POLE2: variants seen among roughly 807,000 people sequenced by gnomAD.
The protein encoded by POLE2 is DNA polymerase epsilon 2, accessory subunit.
POLE2 carries 56 observed loss-of-function variants against 79.4 expected under a neutral mutation model. That is an observed-to-expected ratio of 0.71 (90% CI 0.57 to 0.88). The LOEUF (loss-of-function observed/expected upper bound fraction) is 0.88. Ranked by LOEUF, POLE2 falls within the 40% of genes least tolerant of loss-of-function variation. The pLI is 0.00. For missense variants in POLE2, 598 were observed against 638.9 expected, an observed-to-expected ratio of 0.94 and a Z score of 0.69; for synonymous variants, 212 against 214.0, an observed-to-expected ratio of 0.99 and a Z score of 0.08.
chr14:49,661,159 G>A (rs772995059), intron 10 of POLE2, among the ~76,000 whole-genome samples: 2 of 151,960 alleles, frequency 1.3e-5, no homozygotes, highest in African/African-American at 2.4e-5. Context: ...AAGCTCAAGC[G>A]ATCCACCCAC....
chr14:49,659,392 C>G (rs932488710), intron 10 of POLE2, among the ~76,000 whole-genome samples: 1 of 151,808 alleles, frequency 6.6e-6, no homozygotes, highest in African/African-American at 2.4e-5. Flanking sequence ...GAAGAGAGTA[C>G]AGTTGTATCA....
intron 3 of POLE2, chr14:49,677,680 C>G: frequency 9.8e-6 from 11 of 1,122,070 alleles, no homozygotes; most frequent in Non-Finnish European, 1.4e-5. Flanking sequence ...AAGGCCCTTA[C>G]GAAATGGTGT....
At chr14:49,673,724 C>T (rs527704254) in intron 5 of POLE2, among the ~76,000 whole-genome samples, 5 of 152,246 alleles carry the variant, frequency 3.3e-5, no homozygotes, top group African/African-American at 1.2e-4. Flanking sequence ...GATTAAAATC[C>T]TGTCTTACTA....
At chr14:49,645,531 T>G (rs1420310195) in intron 18 of POLE2, among the ~76,000 whole-genome samples, 3 of 152,216 alleles carry the variant, frequency 2.0e-5, no homozygotes, top group African/African-American at 7.2e-5. Flanking sequence ...TACAAAATTA[T>G]AGTTTGGAAA....
In POLE2 at chr14:49,674,382, A is replaced by T; in HGVS notation, c.291T>A (p.Phe97Leu). 1 of 1,611,182 alleles carries T rather than the reference A, an allele frequency of 6.2e-7. No individual in the cohort carries two copies. Among genetic ancestry groups the T allele is most frequent in the Non-Finnish European group, 8.5e-7 (1 of 1,177,474 alleles). Residue 97 changes from phenylalanine (F) to leucine (L), a missense_variant, in exon 4 of 19, where the codon TTT becomes TTA. By Grantham distance (22) the Phe-to-Leu change is conservative. Transcript: ENST00000216367. ...NIIGAFDIPR[F>L]VYNSERKKFL... ...ATTTTTTTCTTTCTGAATTGTACAC[A>T]AAGCGTGGAATATCAAATGCTCCTA...
At chr14:49,677,692 C>G in intron 3 of POLE2, 1 of 1,296,730 alleles carries the variant, frequency 7.7e-7, no homozygotes. Flanking sequence ...AAATGGTGTT[C>G]AAGAAACGTG....
Position 49,688,178 on chromosome 14 carries a change from C to G in POLE2, c.26G>C (p.Arg9Pro), listed in dbSNP as rs867098450. 1.9e-6 allele frequency: 3 copies of G among 1,544,462 alleles called. No individual in the cohort carries two copies. Among genetic ancestry groups the G allele is most frequent in the Non-Finnish European group, 2.6e-6 (3 of 1,147,266 alleles). The change falls in exon 1 of 19, where the codon CGG becomes CCG. Residue 9 changes from arginine (R) to proline (P), a missense_variant. By Grantham distance (103) the Arg-to-Pro change is moderately radical (BLOSUM62 -2). Transcript: ENST00000216367. The part of the protein sequence containing the change: MAPERLRS[R>P]ALSAFKLRGL... ...CCGCAACTTGAAGGCGGAGAGCGCC[C>G]GGCTCCGCAGCCGCTCCGGCGCCAT...
chr14:49,688,117 G>A lies in POLE2; in HGVS notation c.68+19C>T, dbSNP rs1299893656. ...CCAGCTCTTCCCTCTCGCCCTTCAAGCTGCCCGAGCCCACTCACCCACGGA... is the reference window on the plus strand; with the variant it reads ...CCAGCTCTTCCCTCTCGCCCTTCAAACTGCCCGAGCCCACTCACCCACGGA... On this transcript the variant is annotated intron_variant, in intron 1 of 18. Transcript: ENST00000216367. 4 of 1,543,860 alleles carry A rather than the reference G, an allele frequency of 2.6e-6. No homozygotes were observed. Among genetic ancestry groups the A allele is most frequent in the Non-Finnish European group, 2.6e-6 (3 of 1,142,196 alleles).
chr14:49,650,418 T>C lies in POLE2; in HGVS notation c.1344A>G (p.Gln448=). 2 of 1,547,100 alleles carry C rather than the reference T, an allele frequency of 1.3e-6. No homozygotes were observed. The highest frequency in any genetic ancestry group is 1.7e-6 in the Non-Finnish European group (2 of 1,143,858). ...PNHFVKTILS[Q]GHLTPLPLYV... is the part of the protein sequence containing the mutation. ...AAAGAGGTAGGGGAGTCAGATGTCC[T>C]TGGGATAAGATAGTCTTTACAAACT... The change falls in exon 17 of 19, where the codon CAA becomes CAG. Residue 448 remains glutamine, a synonymous_variant. Coordinates refer to ENST00000216367, the MANE Select transcript of POLE2 (RefSeq NM_002692.4).
intron 5 of POLE2, among the ~76,000 whole-genome samples, chr14:49,671,109 A>T (rs1885855712): frequency 6.6e-6 from 1 of 152,214 alleles, no homozygotes; most frequent in Non-Finnish European, 1.5e-5. Context: ...AGATGAATAA[A>T]CGAGGCTCAG....
At chr14:49,679,895 T>C (rs1208357526) in intron 2 of POLE2, 95 bp from the exon 3 acceptor site, 2 of 688,244 alleles carry the variant, frequency 2.9e-6, no homozygotes, top group East Asian at 5.4e-5. Flanking sequence ...TTGCAAATAT[T>C]AATACTGAGA....
chr14:49,670,075 G>T (rs1174145142), intron 5 of POLE2, among the ~76,000 whole-genome samples: 1 of 152,076 alleles, frequency 6.6e-6, no homozygotes, highest in Non-Finnish European at 1.5e-5. Flanking sequence ...CAGCACTTTG[G>T]GAGGTCGAGG....
At chr14:49,654,731 G>GTTT in intron 13 of POLE2, 53 bp downstream of exon 13, 8 of 1,286,836 alleles carry the variant, frequency 6.2e-6, no homozygotes, top group African/African-American at 4.8e-5. Context: ...TTCATTTTTT[G>GTTT]TTTTTTTTTT....
At chr14:49,655,278 T>C (rs1297287419) in intron 11 of POLE2, among the ~76,000 whole-genome samples, 184 bp from the exon 12 acceptor site, 1 of 152,164 alleles carries the variant, frequency 6.6e-6, no homozygotes, top group Non-Finnish European at 1.5e-5. Flanking sequence ...CAGGCCTGCA[T>C]TGGCTTAATT....
At chr14:49,674,311 ATTTGAAATTAAT>A in intron 4 of POLE2, 27 bp downstream of exon 4, 3 of 1,508,374 alleles carry the variant, frequency 2.0e-6, no homozygotes, top group Non-Finnish European at 1.8e-6. Flanking sequence ...AAAAAAGTAC[ATTTGAAATTAAT>A]TTAAAATCAG....
chr14:49,653,801 C>T, intron 15 of POLE2, 189 bp downstream of exon 15: 1 of 497,148 alleles, frequency 2.0e-6, no homozygotes, highest in Non-Finnish European at 3.6e-6. Flanking sequence ...GCGCGTGCCA[C>T]CAAGCCCAGC....
intron 10 of POLE2, among the ~76,000 whole-genome samples, chr14:49,658,907 A>T (rs911915855): frequency 1.1e-4 from 16 of 151,206 alleles, no homozygotes; most frequent in African/African-American, 3.2e-4. Context: ...TTTTTTTTTT[A>T]ACTGTAAAAC....
intron 3 of POLE2, among the ~76,000 whole-genome samples, chr14:49,677,117 C>T (rs944547431): frequency 2.6e-5 from 4 of 152,188 alleles, no homozygotes; most frequent in East Asian, 1.9e-4. Context: ...GACACTTCTA[C>T]GCCCTGAAGC....
chr14:49,647,121 A>G (rs1594621225), intron 18 of POLE2, 172 bp downstream of exon 18: 1 of 464,902 alleles, frequency 2.2e-6, no homozygotes, highest in Non-Finnish European at 3.9e-6. Context: ...ACCATCATGT[A>G]CCCACAATTC....
Sources: gnomAD v4.1 joint callset for allele counts (sites outside exome capture counted in the v4.1 genomes callset) on GRCh38, gnomAD v4.1.1 for gene constraint, MANE v1.5 for transcripts, NCBI Gene and HGNC (gene_info 2026-07-23, HGNC 2026-07-21) for gene names.